CHRNA7: variants seen among roughly 807,000 people sequenced by gnomAD.
CHRNA7 encodes the protein neuronal acetylcholine receptor subunit alpha-7.
Under a neutral mutation model 48.0 loss-of-function variants are expected in CHRNA7, and 17 were observed. The observed-to-expected ratio is 0.35, with a 90% CI of 0.24 to 0.53. The LOEUF (loss-of-function observed/expected upper bound fraction) is 0.53, where lower values mean the gene tolerates loss of function less well. Ranked by LOEUF, CHRNA7 falls within the 20% of genes least tolerant of loss-of-function variation. The pLI is 0.92. For missense variants in CHRNA7, 155 were observed against 577.7 expected (o/e 0.27, Z 7.50); for synonymous variants, 75 against 242.3 (o/e 0.31, Z 6.41).
At chr15:32,150,997 T>C (rs996004095) in intron 4 of CHRNA7, among the ~76,000 whole-genome samples, 11 of 152,050 alleles carry the variant, frequency 7.2e-5, no homozygotes, top group Admixed American at 7.2e-4. Flanking sequence ...CTTCTCTCCC[T>C]CTCTCCTTTC....
chr15:32,069,501 G>A (rs556063486), intron 2 of CHRNA7, among the ~76,000 whole-genome samples: 1 of 152,162 alleles, frequency 6.6e-6, no homozygotes, highest in African/African-American at 2.4e-5. Context: ...TTAAAAATTA[G>A]CTGGGTGCAG....
chr15:32,149,895 T>A lies in CHRNA7; in HGVS notation c.351-4012T>A, dbSNP rs2051587139. ...GAACTTTTTTTTTTTCAGAGTTGAA[T>A]CACTGATCTAACAGATGCTCAGTCT... On this transcript the variant is annotated intron_variant, in intron 4 of 9. Coordinates refer to ENST00000306901, the MANE Select transcript of CHRNA7 (RefSeq NM_000746.6). This position sits in a 1 kb window ranked among gnomAD's most constrained non-coding sequence, Gnocchi z 4.6. 6.6e-6 allele frequency among the ~76,000 whole-genome samples: 1 copy of A among 151,924 alleles called. No homozygotes were observed. Among genetic ancestry groups the A allele is most frequent in the South Asian group, 2.1e-4 (1 of 4,812 alleles).
rs149184894 is a variant in CHRNA7 at position 32,148,609 on chromosome 15, C to T, written c.351-5298C>T. 1.4e-3 allele frequency among the ~76,000 whole-genome samples: 211 copies of T among 152,340 alleles called. 4 individuals carry two copies. The highest frequency in any genetic ancestry group is 4.8e-3 in the African/African-American group (199 of 41,578). The stretch of plus-strand genomic sequence containing the variant: ...ATCTCAGACCCACCCACAGGGTCCA[C>T]CTGTGCCCCATGGGCTCCCCCTGCC... On this transcript the variant is annotated intron_variant, in intron 4 of 9. Coordinates refer to ENST00000306901, the MANE Select transcript of CHRNA7 (RefSeq NM_000746.6).
chr15:32,060,698 C>CACAAATTCT (rs1254404797), intron 2 of CHRNA7, among the ~76,000 whole-genome samples: 1 of 152,172 alleles, frequency 6.6e-6, no homozygotes, highest in Admixed American at 6.5e-5. Flanking sequence ...AGACTTAAAT[C>CACAAATTCT]ACAAATTCTC....
chr15:32,080,895 A>G (rs1274991493), intron 2 of CHRNA7, among the ~76,000 whole-genome samples: 1 of 152,216 alleles, frequency 6.6e-6, no homozygotes, highest in Non-Finnish European at 1.5e-5. Flanking sequence ...AATCAACCCA[A>G]ATTCTCATCA....
chr15:32,098,906 A>ACACACACACACG (rs1566837234), intron 2 of CHRNA7: 1 of 154,510 alleles, frequency 6.5e-6, no homozygotes, highest in African/African-American at 2.4e-5. Flanking sequence ...ACACACACAC[A>ACACACACACACG]CACTTTTTAT....
rs373765523 is a variant in CHRNA7, at chr15:32,047,437, C to T, written c.195+16400C>T. Reference sequence around the variant, plus strand: ...TATTTTATTCTCTTTGAAGCAATTGCGAATGGGAGTTCACTCATGATTTGG... The same window carrying T: ...TATTTTATTCTCTTTGAAGCAATTGTGAATGGGAGTTCACTCATGATTTGG... On this transcript the variant is annotated intron_variant, in intron 2 of 9. Transcript: ENST00000306901. 2.3e-3 allele frequency among the ~76,000 whole-genome samples: 354 copies of T among 152,000 alleles called. 2 individuals carry two copies. The highest frequency in any genetic ancestry group is 7.5e-3 in the African/African-American group (311 of 41,402).
chr15:32,066,055 T>G (rs1427842549), intron 2 of CHRNA7, among the ~76,000 whole-genome samples: 1 of 152,176 alleles, frequency 6.6e-6, no homozygotes, highest in African/African-American at 2.4e-5. Flanking sequence ...AGCACACAGA[T>G]GCAGCCCACT....
intron 4 of CHRNA7, among the ~76,000 whole-genome samples, chr15:32,116,611 T>C (rs1279739782): frequency 6.6e-6 from 1 of 152,198 alleles, no homozygotes; most frequent in Non-Finnish European, 1.5e-5. Flanking sequence ...CCCCTTTGGA[T>C]GGAATTAAAG....
chr15:32,131,856 AC>A (rs894949322), intron 4 of CHRNA7, among the ~76,000 whole-genome samples: 2 of 152,000 alleles, frequency 1.3e-5, no homozygotes, highest in African/African-American at 4.8e-5. Context: ...GGAGGACACC[AC>A]CCCTGCTGTC....
chr15:32,087,746 T>C (rs983211895), intron 2 of CHRNA7, among the ~76,000 whole-genome samples: 6 of 152,210 alleles, frequency 3.9e-5, no homozygotes, highest in African/African-American at 1.4e-4. Context: ...AATTGGTAAC[T>C]TACAACTCTG....
intron 2 of CHRNA7, among the ~76,000 whole-genome samples, chr15:32,077,890 A>C (rs1411331773): frequency 6.6e-6 from 1 of 152,132 alleles, no homozygotes; most frequent in Non-Finnish European, 1.5e-5. Flanking sequence ...ATGGGAACTA[A>C]AACAGTGGTA....
intron 2 of CHRNA7, among the ~76,000 whole-genome samples, chr15:32,038,829 T>C (rs1014947657): frequency 6.6e-6 from 1 of 152,226 alleles, no homozygotes; most frequent in African/African-American, 2.4e-5. Context: ...TGAAAGAGAC[T>C]GTAGATAATT....
intron 4 of CHRNA7, among the ~76,000 whole-genome samples, chr15:32,114,079 C>CATATATATATAT (rs1491226007): frequency 6.2e-4 from 70 of 112,560 alleles, no homozygotes; most frequent in African/African-American, 2.2e-3. Context: ...TATATATACA[C>CATATATATATAT]ATACATACAT....
intron 2 of CHRNA7, among the ~76,000 whole-genome samples, chr15:32,091,422 A>G (rs2050380093): frequency 6.6e-6 from 1 of 152,036 alleles, no homozygotes; most frequent in Non-Finnish European, 1.5e-5. Flanking sequence ...CTCAAGTTTT[A>G]CTGGTCTAGA....
At chr15:32,153,808 TC>T (rs1313810305) in intron 4 of CHRNA7, 98 bp from the exon 5 acceptor site, 56 of 498,706 alleles carry the variant, frequency 1.1e-4, no homozygotes, top group African/African-American at 1.1e-3. Context: ...CAGGGGCCCC[TC>T]TCAAGGTCTT....
rs1430606872 is a variant in CHRNA7 at position 32,149,056 on chromosome 15, C to G, written c.351-4851C>G. ...AGCTCTCCTCACACCAAGAGTGGGC[C>G]CCAGTCATTGCTGGCTGGGGGAGGA... On this transcript the variant is annotated intron_variant, in intron 4 of 9. Transcript: ENST00000306901. The surrounding 1 kb of genome is among the most constrained non-coding windows in gnomAD (Gnocchi z 4.6). Among the ~76,000 whole-genome samples the G allele has an allele frequency of 6.6e-6, 1 of 152,130 alleles. No homozygotes were observed. The highest frequency in any genetic ancestry group is 2.4e-5 in the African/African-American group (1 of 41,440).
chr15:32,045,377 C>T (rs990773225), intron 2 of CHRNA7, among the ~76,000 whole-genome samples: 1 of 152,100 alleles, frequency 6.6e-6, no homozygotes, highest in Non-Finnish European at 1.5e-5. Context: ...AACAGCCACC[C>T]CATGGGTACC....
intron 4 of CHRNA7, 67 bp downstream of exon 4, chr15:32,111,966 T>C: frequency 1.0e-6 from 1 of 962,066 alleles, no homozygotes; most frequent in East Asian, 2.4e-5. Flanking sequence ...CACGTATATT[T>C]GAATATTTCA....
Sources: allele counts gnomAD v4.1 joint callset (sites outside exome capture counted in the v4.1 genomes callset), GRCh38; gene constraint gnomAD v4.1.1; non-coding constraint Gnocchi (gnomAD v3.1); transcripts MANE v1.5; gene names NCBI Gene and HGNC (gene_info 2026-07-23, HGNC 2026-07-21).